ASMTL: variants seen among roughly 807,000 people sequenced by gnomAD.
ASMTL encodes the protein probable bifunctional dTTP/UTP pyrophosphatase/methyltransferase protein.
ASMTL carries 57 observed loss-of-function variants against 60.3 expected under a neutral mutation model. That is an observed-to-expected ratio of 0.95 (90% CI 0.76 to 1.18). The LOEUF (loss-of-function observed/expected upper bound fraction) is 1.18, where lower values mean the gene tolerates loss of function less well. Ranked by LOEUF, ASMTL falls within the 50% of genes most tolerant of loss-of-function variation. The pLI is 0.00. For missense variants in ASMTL, 981 were observed against 852.6 expected (o/e 1.15, Z -1.88); for synonymous variants, 419 against 373.0 (o/e 1.12, Z -1.42).
intron 11 of ASMTL, among the ~76,000 whole-genome samples, chrX:1,414,841 A>G (rs2090172863): frequency 6.6e-6 from 1 of 151,874 alleles, no homozygotes; most frequent in African/African-American, 2.4e-5. Context: ...GCATCCAGGA[A>G]CCTCTGGGGG....
At chrX:1,431,120 T>C (rs1488779666) in intron 6 of ASMTL, among the ~76,000 whole-genome samples, 1 of 124,956 alleles carries the variant, frequency 8.0e-6, no homozygotes, top group Non-Finnish European at 1.6e-5. Context: ...TTTTATAATA[T>C]ATAATCATTT....
At chrX:1,411,191 A>AC (rs1224715770) in intron 12 of ASMTL, among the ~76,000 whole-genome samples, 3 of 151,538 alleles carry the variant, frequency 2.0e-5, no homozygotes, top group Non-Finnish European at 4.4e-5. Context: ...CTCAAAAAAA[A>AC]AAAAGAAGAG....
chrX:1,445,932 G>A (rs1327520280), intron 1 of ASMTL, among the ~76,000 whole-genome samples: 6 of 151,990 alleles, frequency 3.9e-5, no homozygotes, highest in Non-Finnish European at 7.4e-5. Flanking sequence ...CTTTCCCTGG[G>A]GGGGTTTAGA....
At position 1,403,255 on chromosome X, in the gene ASMTL, A is replaced by G. The variant is rs760699848; in HGVS notation, c.*14T>C. 2 of 1,610,002 alleles carry G rather than the reference A, an allele frequency of 1.2e-6. No individual in the cohort carries two copies. The highest frequency in any genetic ancestry group is 1.7e-6 in the Non-Finnish European group (2 of 1,178,222). Reference sequence around the variant, plus strand: ...GGGGGAGGACATCCCTATAATGAACATGCTGCCTGGGCTTCAGGGGGCCAC... The same window carrying G: ...GGGGGAGGACATCCCTATAATGAACGTGCTGCCTGGGCTTCAGGGGGCCAC... On this transcript the variant is annotated 3_prime_UTR_variant, in exon 13 of 13. Coordinates refer to ENST00000381317, the MANE Select transcript of ASMTL (RefSeq NM_004192.4).
At position 1,413,180 on chromosome X, in the gene ASMTL, C is replaced by T. The variant is rs759979776; in HGVS notation, c.1523-326G>A. The T allele has an allele frequency of 5.4e-4, 162 of 302,486 alleles. 1 individual carries two copies. The highest frequency in any genetic ancestry group is 2.2e-3 in the African/African-American group (105 of 47,982). 18.7% of individuals were successfully genotyped at this position (302,486 alleles called of 1,614,324 possible). A position where few individuals can be genotyped will look rare whatever the true frequency, so the allele number is the denominator to read the frequency against. On this transcript the variant is annotated intron_variant, in intron 11 of 12. Coordinates refer to ENST00000381317, the MANE Select transcript of ASMTL (RefSeq NM_004192.4). ...GAGTTCGAGACCAGCCTGGGCAACA[C>T]GGCGAAACCCCATCTCTACTAAAAA...
chrX:1,424,175 TCCAC>T (rs201947262), intron 8 of ASMTL, among the ~76,000 whole-genome samples: 3,497 of 134,398 alleles, frequency 0.026, 224 homozygotes, highest in African/African-American at 0.1. Flanking sequence ...CATCCATCCA[TCCAC>T]CCACCCACCC....
chrX:1,439,306 G>A (rs1161824889), intron 2 of ASMTL, 162 bp from the exon 3 acceptor site: 5 of 187,644 alleles, frequency 2.7e-5, no homozygotes, highest in Non-Finnish European at 5.0e-5. Flanking sequence ...GGACACAAGT[G>A]GGTCCCGCCG....
At chrX:1,415,822 A>G (rs748269499) in intron 11 of ASMTL, among the ~76,000 whole-genome samples, 1 of 152,194 alleles carries the variant, frequency 6.6e-6, no homozygotes, top group Non-Finnish European at 1.5e-5. Flanking sequence ...AGAGACACGC[A>G]CAGGCAGACC....
intron 11 of ASMTL, among the ~76,000 whole-genome samples, chrX:1,415,474 T>TTTA (rs1237356088): frequency 6.6e-6 from 1 of 150,748 alleles, no homozygotes; most frequent in Non-Finnish European, 1.5e-5. Context: ...TCATTGTCTT[T>TTTA]TTTTTTTTGA....
intron 11 of ASMTL, 65 bp from the exon 12 acceptor site, chrX:1,412,919 TC>T: frequency 1.3e-5 from 20 of 1,588,756 alleles, no homozygotes; most frequent in Non-Finnish European, 1.6e-5. Context: ...CCCGGACAGA[TC>T]CTGGGACGGC....
chrX:1,421,976 C>T (rs1264259915), intron 8 of ASMTL, 134 bp from the exon 9 acceptor site: 45 of 815,290 alleles, frequency 5.5e-5, no homozygotes, highest in Non-Finnish European at 9.0e-5. Flanking sequence ...CTCAAGGAAA[C>T]CTGACCATAG....
chrX:1,418,900 G>C, intron 10 of ASMTL, 82 bp downstream of exon 10: 6 of 1,559,494 alleles, frequency 3.8e-6, no homozygotes, highest in Non-Finnish European at 5.3e-6. Flanking sequence ...GAAAAAGGCA[G>C]TTGGTAGGTG....
At chrX:1,414,933 T>C (rs757786973) in intron 11 of ASMTL, among the ~76,000 whole-genome samples, 509 of 22,850 alleles carry the variant, frequency 0.022, 2 homozygotes, top group Non-Finnish European at 0.095. Context: ...GTCAGCTGTC[T>C]CTTTTTTTAT....
chrX:1,403,533 G>C, intron 12 of ASMTL, 44 bp from the exon 13 acceptor site: 1 of 1,579,354 alleles, frequency 6.3e-7, no homozygotes, highest in Non-Finnish European at 8.7e-7. Context: ...CAGCCAGGCG[G>C]GGATCCTTCA....
At chrX:1,443,717 G>A (rs371660203) in intron 1 of ASMTL, among the ~76,000 whole-genome samples, 3 of 137,246 alleles carry the variant, frequency 2.2e-5, no homozygotes. Flanking sequence ...CTTGGCCATC[G>A]TGGACACACA....
rs1195285598 is a variant in ASMTL, at chrX:1,403,305, G to A, written c.1830C>T (p.Val610=). 6.2e-7 allele frequency: 1 copy of A among 1,613,032 alleles called. No homozygotes were observed. Among genetic ancestry groups the A allele is most frequent in the Non-Finnish European group, 8.5e-7 (1 of 1,179,856 alleles). The part of the protein sequence containing the change: ...HQVQVVHLGG[V]LDAILATKVA... ...CTTTGGTGGCCAAGATGGCATCCAG[G>A]ACACCCCCCAAGTGCACCACCTGCA... The change falls in exon 13 of 13, where the codon GTC becomes GTT. Residue 610 remains valine, a synonymous_variant. Coordinates refer to ENST00000381317, the MANE Select transcript of ASMTL (RefSeq NM_004192.4).
At chrX:1,451,749 G>A in intron 1 of ASMTL, among the ~76,000 whole-genome samples, 1 of 146,464 alleles carries the variant, frequency 6.8e-6, no homozygotes, top group East Asian at 2.1e-4. Flanking sequence ...ATCCCTAGGG[G>A]GGTCTCGGCT....
intron 1 of ASMTL, among the ~76,000 whole-genome samples, chrX:1,451,620 C>T (rs4933150): frequency 0.026 from 3,907 of 148,066 alleles, 79 homozygotes; most frequent in South Asian, 0.051. Flanking sequence ...TTTCGGGTCA[C>T]TCTCCCCACC....
intron 11 of ASMTL, among the ~76,000 whole-genome samples, chrX:1,415,943 C>T (rs186757430): frequency 3.9e-5 from 6 of 152,148 alleles, no homozygotes; most frequent in Non-Finnish European, 7.4e-5. Flanking sequence ...CATGCACACA[C>T]GGACACATGC....
Sources: allele counts gnomAD v4.1 joint callset (sites outside exome capture counted in the v4.1 genomes callset), GRCh38; gene constraint gnomAD v4.1.1; transcripts MANE v1.5; gene names NCBI Gene and HGNC (gene_info 2026-07-23, HGNC 2026-07-21).